OR9Q1: variants seen among roughly 807,000 people sequenced by gnomAD.
OR9Q1 encodes the protein olfactory receptor 9Q1.
For synonymous variants in OR9Q1, 153 were observed against 148.6 expected (o/e 1.03, Z -0.22); for missense variants, 374 against 378.8 (o/e 0.99, Z 0.11).
chr11:58,027,329 T>TG (rs1852985318), intron 1 of OR9Q1, among the ~76,000 whole-genome samples: 1 of 152,090 alleles, frequency 6.6e-6, no homozygotes, highest in African/African-American at 2.4e-5. Flanking sequence ...CACAGTAAAG[T>TG]GGTGTTCTTT....
At chr11:58,123,650 T>G (rs1854058257) in intron 2 of OR9Q1, among the ~76,000 whole-genome samples, 1 of 152,230 alleles carries the variant, frequency 6.6e-6, no homozygotes, top group Admixed American at 6.5e-5. Context: ...ATTATACACC[T>G]AGGAAGGAAC....
chr11:58,054,917 T>G (rs1225074463), intron 1 of OR9Q1, among the ~76,000 whole-genome samples: 1 of 152,118 alleles, frequency 6.6e-6, no homozygotes, highest in African/African-American at 2.4e-5. Context: ...GAGCAAGACT[T>G]TGTCTCAAAC....
chr11:58,180,019 G>T lies in OR9Q1; in HGVS notation c.575G>T (p.Ser192Ile). ...PPLLKLTCGE[S>I]YTQEVLIIMF... ...CTGTTAAAGTTGACCTGTGGGGAGA[G>T]CTACACTCAAGAAGTGCTGATTATT... The change falls in exon 3 of 3, where the codon AGC becomes ATC. Residue 192 changes from serine to isoleucine, a missense_variant. Coordinates refer to ENST00000335397, the MANE Select transcript of OR9Q1 (RefSeq NM_001005212.4). 1 of 1,613,950 alleles carries T rather than the reference G, an allele frequency of 6.2e-7. No homozygotes were observed. Among genetic ancestry groups the T allele is most frequent in the African/African-American group, 1.3e-5 (1 of 74,962 alleles).
At chr11:58,151,218 T>G (rs1017407772) in intron 2 of OR9Q1, among the ~76,000 whole-genome samples, 22 of 152,184 alleles carry the variant, frequency 1.4e-4, no homozygotes, top group Non-Finnish European at 2.9e-5. Context: ...AGAGGAGATG[T>G]CATATAAAAA....
In OR9Q1 at chr11:58,179,954, A is replaced by G. The variant is rs1388181580; in HGVS notation, c.510A>G (p.Gly170=). The change falls in exon 3 of 3, where the codon GGA becomes GGG. Residue 170 remains glycine, a synonymous_variant. Transcript: ENST00000335397. ...CAGCCTTCACTCTCTCCTTCTGTGG[A>G]ACCAGTGAGATTGACTTTATTTTCT... ...TVSAFTLSFC[G]TSEIDFIFCD... The G allele has an allele frequency of 1.2e-6, 2 of 1,613,994 alleles. No individual in the cohort carries two copies. Among genetic ancestry groups the G allele is most frequent in the Non-Finnish European group, 1.7e-6 (2 of 1,180,016 alleles).
At chr11:58,034,689 A>C (rs570577083) in intron 1 of OR9Q1, among the ~76,000 whole-genome samples, 1 of 149,092 alleles carries the variant, frequency 6.7e-6, no homozygotes, top group African/African-American at 2.5e-5. Flanking sequence ...AGAAGGGTGA[A>C]GATAGAGCAT....
At chr11:58,150,019 T>C (rs1388491560) in intron 2 of OR9Q1, among the ~76,000 whole-genome samples, 1 of 152,234 alleles carries the variant, frequency 6.6e-6, no homozygotes, top group Non-Finnish European at 1.5e-5. Flanking sequence ...GGTAAATCTA[T>C]GCTTAACTTT....
chr11:58,151,981 A>T (rs1435301322), intron 2 of OR9Q1, among the ~76,000 whole-genome samples: 1 of 152,124 alleles, frequency 6.6e-6, no homozygotes, highest in Non-Finnish European at 1.5e-5. Flanking sequence ...TGACATAGAG[A>T]TTATTGAGTT....
intron 2 of OR9Q1, among the ~76,000 whole-genome samples, chr11:58,086,961 T>G (rs1021739629): frequency 1.3e-5 from 2 of 151,772 alleles, no homozygotes; most frequent in African/African-American, 2.4e-5. Flanking sequence ...TGAATAATAA[T>G]GCATCATAGA....
At chr11:58,116,234 C>T (rs1853953143) in intron 2 of OR9Q1, among the ~76,000 whole-genome samples, 1 of 152,164 alleles carries the variant, frequency 6.6e-6, no homozygotes, top group South Asian at 2.1e-4. Context: ...CCAGCCATCA[C>T]ATTCATTCCC....
At chr11:58,110,522 T>C (rs1853888996) in intron 2 of OR9Q1, among the ~76,000 whole-genome samples, 1 of 152,190 alleles carries the variant, frequency 6.6e-6, no homozygotes, top group Non-Finnish European at 1.5e-5. Flanking sequence ...TTCCTCCCAA[T>C]AATCCTGGAA....
At chr11:58,152,534 T>C (rs1854363790) in intron 2 of OR9Q1, among the ~76,000 whole-genome samples, 1 of 152,236 alleles carries the variant, frequency 6.6e-6, no homozygotes, top group African/African-American at 2.4e-5. Flanking sequence ...TTTGTTTGCA[T>C]CATTTATATT....
At chr11:58,090,293 T>A (rs1024832158) in intron 2 of OR9Q1, among the ~76,000 whole-genome samples, 1 of 152,200 alleles carries the variant, frequency 6.6e-6, no homozygotes, top group African/African-American at 2.4e-5. Context: ...TTGTCATAAA[T>A]AGCTCTTATT....
intron 2 of OR9Q1, among the ~76,000 whole-genome samples, chr11:58,061,061 G>A (rs1390630823): frequency 6.6e-6 from 1 of 152,074 alleles, no homozygotes; most frequent in African/African-American, 2.4e-5. Flanking sequence ...TAGTTGTTGA[G>A]TGCATGAGTG....
chr11:58,162,214 A>G lies in OR9Q1; in HGVS notation c.-14-17217A>G, dbSNP rs181588620. Among the ~76,000 whole-genome samples, 524 of 152,366 alleles carry G rather than the reference A, an allele frequency of 3.4e-3. 5 individuals are homozygous for G. The highest frequency in any genetic ancestry group is 0.012 in the African/African-American group (481 of 41,586). ...TTATTGTCATTCATTACGAGTAACA[A>G]GAAGTCATTATAAGTAAAAATGTCC... On this transcript the variant is annotated intron_variant, in intron 2 of 2. Transcript: ENST00000335397.
chr11:58,032,531 C>T (rs1312055786), intron 1 of OR9Q1, among the ~76,000 whole-genome samples: 3 of 152,090 alleles, frequency 2.0e-5, no homozygotes, highest in African/African-American at 4.8e-5. Flanking sequence ...ATTCCCTACT[C>T]AATAAATGGT....
chr11:58,075,608 C>T (rs1853532070), intron 2 of OR9Q1, among the ~76,000 whole-genome samples: 1 of 152,192 alleles, frequency 6.6e-6, no homozygotes, highest in South Asian at 2.1e-4. Context: ...GACTTGAAGG[C>T]ACAGCGAGAA....
chr11:58,114,488 C>A (rs551332942), intron 2 of OR9Q1, among the ~76,000 whole-genome samples: 1 of 152,236 alleles, frequency 6.6e-6, no homozygotes, highest in East Asian at 1.9e-4. Flanking sequence ...CTGGGAGAAG[C>A]CTGTTACCTT....
At chr11:58,161,437 C>G (rs558085764) in intron 2 of OR9Q1, among the ~76,000 whole-genome samples, 2 of 152,026 alleles carry the variant, frequency 1.3e-5, no homozygotes, top group Non-Finnish European at 1.5e-5. Context: ...TGAATTCTCA[C>G]GGGATTTCCA....
Sources: allele counts gnomAD v4.1 joint callset (sites outside exome capture counted in the v4.1 genomes callset), GRCh38; gene constraint gnomAD v4.1.1; transcripts MANE v1.5; gene names NCBI Gene and HGNC (gene_info 2026-07-23, HGNC 2026-07-21).